Variants in BMS1 observed in about 807,000 individuals in gnomAD.
BMS1 encodes the protein ribosome biogenesis protein BMS1 homolog.
A neutral mutation model predicts 138.7 loss-of-function variants in BMS1; 53 were observed. The ratio of observed to expected loss-of-function variants is 0.38; its 90% confidence interval spans 0.31 to 0.48. The LOEUF (loss-of-function observed/expected upper bound fraction) is 0.48, where lower values mean the gene tolerates loss of function less well. Ranked by LOEUF, BMS1 falls within the 20% of genes least tolerant of loss-of-function variation. The probability of loss-of-function intolerance (pLI) is 0.97; values close to 1 mark genes in which losing one functional copy is unlikely to be tolerated. For missense variants in BMS1, 1,360 were observed against 1,565.5 expected (o/e 0.87, Z 2.22); for synonymous variants, 504 against 539.9 (o/e 0.93, Z 0.92).
intron 9 of BMS1, among the ~76,000 whole-genome samples, chr10:42,795,650 T>C (rs2132315092): frequency 6.6e-6 from 1 of 152,254 alleles, no homozygotes; most frequent in East Asian, 1.9e-4. Flanking sequence ...CTTACCCGTC[T>C]CTTATGGTAT....
In BMS1 at chr10:42,820,357, T is replaced by C. The variant is rs750465959; in HGVS notation, c.2702T>C (p.Phe901Ser). 1.1e-5 allele frequency: 17 copies of C among 1,613,836 alleles called. No individual in the cohort carries two copies. Among genetic ancestry groups the C allele is most frequent in the Non-Finnish European group, 1.3e-5 (15 of 1,179,852 alleles). ...ENVPCEFVQN[F>S]DPHYPIILGG... is the part of the protein sequence containing the mutation. Reference sequence around the variant, plus strand: ...GTTCCCTGTGAATTTGTGCAGAACTTTGACCCCCATTACCCCATTATCCTG... The same window carrying C: ...GTTCCCTGTGAATTTGTGCAGAACTCTGACCCCCATTACCCCATTATCCTG... The change falls in exon 16 of 23, where the codon TTT becomes TCT. Residue 901 changes from phenylalanine (F) to serine (S), a missense_variant. By Grantham distance (155) the Phe-to-Ser change is radical. Around this residue, in one of 3 missense-constraint regions of BMS1, gnomAD observed 425 missense variants for 568.3 expected, o/e 0.75. Coordinates refer to ENST00000374518, the MANE Select transcript of BMS1 (RefSeq NM_014753.4).
rs1842377320 is a variant in BMS1 at position 42,817,332 on chromosome 10, G to T, written c.2418G>T (p.Glu806Asp). 8 of 1,601,740 alleles carry T rather than the reference G, an allele frequency of 5.0e-6. No individual in the cohort carries two copies. The highest frequency in any genetic ancestry group is 3.5e-5 in the Admixed American group (2 of 57,690). ...GGAAATTTAAGAATGAAGATATAGA[G>T]AAAGAAGTTAAGGAAGAAATTGACC... ...SGPNTQNEDI[E>D]KEVKEEIDPD... Residue 806 changes from glutamate to aspartate, a missense_variant, in exon 15 of 23, where the codon GAG becomes GAT. Coordinates refer to ENST00000374518, the MANE Select transcript of BMS1 (RefSeq NM_014753.4).
intron 16 of BMS1, 42 bp downstream of exon 16, chr10:42,820,466 G>T: frequency 1.2e-6 from 2 of 1,611,642 alleles, no homozygotes; most frequent in Non-Finnish European, 1.7e-6. Flanking sequence ...AGGCTCTGTG[G>T]ATTTCCCCTC....
rs1176079994 is a variant in BMS1, at chr10:42,831,009, C to T, written c.3762C>T (p.Leu1254=). The change falls in exon 23 of 23, where the codon CTC becomes CTT. Residue 1254 remains leucine, a synonymous_variant. Transcript: ENST00000374518. The part of the protein sequence containing the change: ...EEEKLKRQKD[L]RKKLFRIQGQ... ...AGAAGCTGAAGCGGCAGAAGGACCT[C>T]AGGAAGAAGCTCTTCAGAATTCAGG... The T allele has an allele frequency of 1.9e-6, 3 of 1,600,522 alleles. No individual in the cohort carries two copies. Among genetic ancestry groups the T allele is most frequent in the South Asian group, 2.2e-5 (2 of 88,984 alleles).
chr10:42,812,973 G>A (rs1842234453), intron 13 of BMS1, among the ~76,000 whole-genome samples: 1 of 152,156 alleles, frequency 6.6e-6, no homozygotes, highest in Non-Finnish European at 1.5e-5. Context: ...CTAGGCCTTT[G>A]GGGCCCTGTG....
rs548615163 is a variant in BMS1 at position 42,809,423 on chromosome 10, T to C, written c.2330-7176T>C. ...TGTATGGCTTTTCCTTCTTTTTTTTTTAATTAAATTTTTTAGGGGTAGTGA... is the reference window on the plus strand; with the variant it reads ...TGTATGGCTTTTCCTTCTTTTTTTTCTAATTAAATTTTTTAGGGGTAGTGA... On this transcript the variant is annotated intron_variant, in intron 13 of 22. Transcript: ENST00000374518. Among the ~76,000 whole-genome samples, 379 of 152,134 alleles carry C rather than the reference T, an allele frequency of 2.5e-3. 4 individuals carry two copies. The highest frequency in any genetic ancestry group is 8.8e-3 in the African/African-American group (367 of 41,502).
intron 21 of BMS1, among the ~76,000 whole-genome samples, chr10:42,825,856 G>C (rs1192272093): frequency 2.0e-5 from 3 of 152,154 alleles, no homozygotes; most frequent in African/African-American, 7.2e-5. Context: ...AATCTTAGTG[G>C]AAAAGCTTTT....
chr10:42,798,761 G>A (rs1002838369), intron 12 of BMS1, 136 bp downstream of exon 12: 20 of 1,238,948 alleles, frequency 1.6e-5, no homozygotes, highest in South Asian at 1.4e-4. Context: ...CCCAGATATT[G>A]TAGTGGGCGC....
At chr10:42,829,795 T>A (rs1307123979) in intron 21 of BMS1, among the ~76,000 whole-genome samples, 1 of 151,778 alleles carries the variant, frequency 6.6e-6, no homozygotes, top group African/African-American at 2.4e-5. Flanking sequence ...CTCTCTAGCC[T>A]GGGCGTCAAG....
chr10:42,784,559 A>T lies in BMS1; in HGVS notation c.165A>T (p.Arg55=), dbSNP rs748850688. 1 of 1,612,080 alleles carries T rather than the reference A, an allele frequency of 6.2e-7. No homozygotes were observed. The highest frequency in any genetic ancestry group is 8.5e-7 in the Non-Finnish European group (1 of 1,179,246). The part of the protein sequence containing the change: ...FAVQSAVRMA[R]SFHRTQDLKT... ...TTCAGTCTGCTGTGCGGATGGCTCGATCCTTTCACAGGTATGTTAGGCTAC... is the reference window on the plus strand; with the variant it reads ...TTCAGTCTGCTGTGCGGATGGCTCGTTCCTTTCACAGGTATGTTAGGCTAC... Residue 55 remains arginine (R), a synonymous_variant, in exon 2 of 23, where the codon CGA becomes CGT. Coordinates refer to ENST00000374518, the MANE Select transcript of BMS1 (RefSeq NM_014753.4).
At chr10:42,796,449 A>G (rs201384601) in intron 9 of BMS1, 25 bp from the exon 10 acceptor site, 251 of 1,586,376 alleles carry the variant, frequency 1.6e-4, no homozygotes, top group Non-Finnish European at 2.1e-4. Flanking sequence ...AAATTGAATT[A>G]TTTTGTATTT....
chr10:42,827,384 G>A (rs1237391940), intron 21 of BMS1, among the ~76,000 whole-genome samples: 1 of 152,158 alleles, frequency 6.6e-6, no homozygotes, highest in East Asian at 1.9e-4. Context: ...GCAGCTCAGT[G>A]TAACAGTGGC....
At chr10:42,803,385 C>T (rs916655252) in intron 13 of BMS1, among the ~76,000 whole-genome samples, 3 of 152,102 alleles carry the variant, frequency 2.0e-5, no homozygotes, top group Non-Finnish European at 2.9e-5. Flanking sequence ...GCAATCTTCC[C>T]GCCTTAGCCT....
intron 13 of BMS1, among the ~76,000 whole-genome samples, chr10:42,804,325 GTGTT>G (rs1303099182): frequency 6.6e-6 from 1 of 152,178 alleles, no homozygotes; most frequent in East Asian, 1.9e-4. Flanking sequence ...GTTTTCCAAA[GTGTT>G]TATACCATTT....
intron 6 of BMS1, 76 bp from the exon 7 acceptor site, chr10:42,792,417 T>C: frequency 6.4e-7 from 1 of 1,557,878 alleles, no homozygotes; most frequent in Middle Eastern, 2.4e-4. Context: ...AAGAGTGTGA[T>C]GAATCATTGA....
intron 3 of BMS1, among the ~76,000 whole-genome samples, chr10:42,786,579 CT>C (rs1217653837): frequency 6.7e-6 from 1 of 149,362 alleles, no homozygotes; most frequent in South Asian, 2.1e-4. Context: ...GCTAATTTTT[CT>C]TTTTTTTCCT....
intron 3 of BMS1, among the ~76,000 whole-genome samples, chr10:42,786,608 A>G (rs1048564417): frequency 4.2e-5 from 6 of 144,462 alleles, no homozygotes; most frequent in African/African-American, 1.5e-4. Flanking sequence ...TTTTTTCTGT[A>G]GAGATGGGGT....
At position 42,784,548 on chromosome 10, in the gene BMS1, C is replaced by A. The variant is rs189363794; in HGVS notation, c.154C>A (p.Arg52=). ...PKAFAVQSAV[R]MARSFHRTQD... ...AGCTTTTGCAGTTCAGTCTGCTGTG[C>A]GGATGGCTCGATCCTTTCACAGGTA... The change falls in exon 2 of 23, where the codon CGG becomes AGG. Residue 52 remains arginine, a synonymous_variant. Transcript: ENST00000374518. The A allele has an allele frequency of 1.2e-6, 2 of 1,613,032 alleles. No homozygotes were observed. The highest frequency in any genetic ancestry group is 2.7e-5 in the African/African-American group (2 of 74,968).
chr10:42,797,672 C>T, intron 11 of BMS1, 149 bp downstream of exon 11: 1 of 755,024 alleles, frequency 1.3e-6, no homozygotes, highest in Non-Finnish European at 2.1e-6. Context: ...TAATCATCAG[C>T]TTATGAGGAC....
Sources: allele counts gnomAD v4.1 joint callset (sites outside exome capture counted in the v4.1 genomes callset), GRCh38; gene constraint gnomAD v4.1.1; regional missense constraint gnomAD v4.1.1; transcripts MANE v1.5; gene names NCBI Gene and HGNC (gene_info 2026-07-23, HGNC 2026-07-21).